Variants in NXPH1 observed in about 807,000 individuals in gnomAD.
NXPH1 encodes neurexophilin-1.
A neutral mutation model predicts 23.7 loss-of-function variants in NXPH1; 5 were observed. The ratio of observed to expected loss-of-function variants is 0.21; its 90% CI spans 0.11 to 0.44. The LOEUF is 0.44. NXPH1 is among the 20% of genes least tolerant of loss of function. The pLI is 0.99. For missense variants in NXPH1, 324 were observed against 321.6 expected (o/e 1.01, Z -0.06); for synonymous variants, 144 against 122.2 (o/e 1.18, Z -1.18).
rs1052537245 is a variant in NXPH1 at position 8,433,617 on chromosome 7, C to G, written c.-1249C>G. On this transcript the variant is annotated 5_prime_UTR_variant, in exon 1 of 3. Transcript: ENST00000405863. This position sits in a 1 kb window ranked among gnomAD's most constrained non-coding sequence, Gnocchi z 6.8. ...AGAGGCCAAGGTCGCCCAGTCCTCT[C>G]GGCTGTCTCGAGCTGAATGGCTGGC... 3.0e-4 allele frequency among the ~76,000 whole-genome samples: 45 copies of G among 152,156 alleles called. No homozygotes were observed. Among genetic ancestry groups the G allele is most frequent in the African/African-American group, 1.1e-3 (44 of 41,434 alleles).
chr7:8,575,623 A>G (rs916967954), intron 2 of NXPH1, among the ~76,000 whole-genome samples: 2 of 152,186 alleles, frequency 1.3e-5, no homozygotes, highest in Non-Finnish European at 2.9e-5. Flanking sequence ...CAATGTGAAT[A>G]GATTTATTCC....
intron 2 of NXPH1, among the ~76,000 whole-genome samples, chr7:8,535,258 AC>A (rs1404595685): frequency 6.6e-6 from 1 of 152,070 alleles, no homozygotes; most frequent in East Asian, 1.9e-4. Flanking sequence ...TTAGGTTTGT[AC>A]CAACAAAAAA....
chr7:8,730,844 T>C (rs1403499322), intron 2 of NXPH1, among the ~76,000 whole-genome samples: 4 of 150,980 alleles, frequency 2.6e-5, no homozygotes, highest in Admixed American at 6.6e-5. Flanking sequence ...TCGAGGAGTA[T>C]CTTTGTGGTG....
chr7:8,701,568 T>G (rs1583236816), intron 2 of NXPH1, among the ~76,000 whole-genome samples: 2 of 152,130 alleles, frequency 1.3e-5, no homozygotes, highest in African/African-American at 4.8e-5. Flanking sequence ...CAAACTTGAT[T>G]TAAGTTTTTG....
intron 2 of NXPH1, among the ~76,000 whole-genome samples, chr7:8,645,862 T>G (rs1820391556): frequency 6.6e-6 from 1 of 152,110 alleles, no homozygotes; most frequent in African/African-American, 2.4e-5. Context: ...ATATATCAAC[T>G]TTACATATAT....
intron 2 of NXPH1, among the ~76,000 whole-genome samples, chr7:8,684,923 C>G (rs536216071): frequency 6.6e-6 from 1 of 151,892 alleles, no homozygotes; most frequent in Non-Finnish European, 1.5e-5. Context: ...GTAGATGATC[C>G]AGGATGTGTT....
At chr7:8,514,237 A>G (rs762497151) in intron 2 of NXPH1, among the ~76,000 whole-genome samples, 10 of 152,122 alleles carry the variant, frequency 6.6e-5, no homozygotes, top group South Asian at 4.1e-4. Flanking sequence ...CCTTCAATAC[A>G]TTCTGCTTTT....
At chr7:8,471,364 A>G (rs1816868993) in intron 2 of NXPH1, among the ~76,000 whole-genome samples, 1 of 152,184 alleles carries the variant, frequency 6.6e-6, no homozygotes, top group Admixed American at 6.5e-5. Flanking sequence ...CACGAATATC[A>G]TTAACATAGA....
intron 2 of NXPH1, among the ~76,000 whole-genome samples, chr7:8,683,215 C>T (rs1253796637): frequency 6.6e-6 from 1 of 152,182 alleles, no homozygotes; most frequent in Non-Finnish European, 1.5e-5. Flanking sequence ...AAACAACTGT[C>T]TTTTGCATAA....
In NXPH1 at chr7:8,728,338, C is replaced by G. The variant is rs537208873; in HGVS notation, c.55-22670C>G. Among the ~76,000 whole-genome samples, 174 of 152,142 alleles carry G rather than the reference C, an allele frequency of 1.1e-3. 1 individual carries two copies. Among genetic ancestry groups the G allele is most frequent in the African/African-American group, 4.1e-3 (169 of 41,544 alleles). On this transcript the variant is annotated intron_variant, in intron 2 of 2. Coordinates refer to ENST00000405863, the MANE Select transcript of NXPH1 (RefSeq NM_152745.3). ...AATTGAATACTCTTTATTTCCTTCT[C>G]CTGCCTAATTGCCCTGGCCAGAACT...
chr7:8,656,507 GTTTTT>G (rs200902214), intron 2 of NXPH1, among the ~76,000 whole-genome samples: 9 of 136,794 alleles, frequency 6.6e-5, no homozygotes, highest in African/African-American at 2.0e-4. Context: ...TAGAGTTAAT[GTTTTT>G]TTTTTTTTTT....
intron 2 of NXPH1, among the ~76,000 whole-genome samples, chr7:8,495,038 A>G (rs1163122364): frequency 6.6e-6 from 1 of 152,082 alleles, no homozygotes; most frequent in Non-Finnish European, 1.5e-5. Context: ...TTTCAGCAAG[A>G]TATCATGGAT....
At chr7:8,739,276 A>G (rs748536036) in intron 2 of NXPH1, among the ~76,000 whole-genome samples, 3 of 147,894 alleles carry the variant, frequency 2.0e-5, no homozygotes, top group Non-Finnish European at 4.5e-5. Flanking sequence ...CCCTGGTGGT[A>G]TAGGCACCCG....
chr7:8,751,790 C>A lies in NXPH1; in HGVS notation c.*21C>A. The A allele has an allele frequency of 2.5e-6, 4 of 1,586,660 alleles. No individual in the cohort carries two copies. Among genetic ancestry groups the A allele is most frequent in the Non-Finnish European group, 3.4e-6 (4 of 1,168,140 alleles). On this transcript the variant is annotated 3_prime_UTR_variant, in exon 3 of 3. Coordinates refer to ENST00000405863, the MANE Select transcript of NXPH1 (RefSeq NM_152745.3). The surrounding 1 kb of genome is among the most constrained non-coding windows in gnomAD (Gnocchi z 4.5). Reference sequence around the variant, plus strand: ...GATGAAGGTGAACATGGGGGTGAGACTGAAGCCTGAGGAATTAAAGGTCAT... The same window carrying A: ...GATGAAGGTGAACATGGGGGTGAGAATGAAGCCTGAGGAATTAAAGGTCAT...
chr7:8,517,352 A>T (rs1461960133), intron 2 of NXPH1, among the ~76,000 whole-genome samples: 1 of 152,070 alleles, frequency 6.6e-6, no homozygotes, highest in Non-Finnish European at 1.5e-5. Flanking sequence ...GATTGTAGGC[A>T]TGTGGAGGAC....
chr7:8,551,828 C>T (rs1818280625), intron 2 of NXPH1, among the ~76,000 whole-genome samples: 1 of 151,366 alleles, frequency 6.6e-6, no homozygotes, highest in Non-Finnish European at 1.5e-5. Flanking sequence ...AATATTTTTT[C>T]TCCATGTCCA....
chr7:8,651,080 T>C, intron 2 of NXPH1, among the ~76,000 whole-genome samples: 1 of 150,432 alleles, frequency 6.6e-6, no homozygotes, highest in East Asian at 2.0e-4. Context: ...CACTAACTCG[T>C]CATCTAGCAT....
At chr7:8,576,958 T>G (rs568668499) in intron 2 of NXPH1, among the ~76,000 whole-genome samples, 1 of 152,260 alleles carries the variant, frequency 6.6e-6, no homozygotes, top group South Asian at 2.1e-4. Context: ...GGTGAAAATT[T>G]ACAAATATTT....
At chr7:8,596,942 A>C (rs1364263647) in intron 2 of NXPH1, among the ~76,000 whole-genome samples, 1 of 152,130 alleles carries the variant, frequency 6.6e-6, no homozygotes, top group Non-Finnish European at 1.5e-5. Context: ...TCCTATAGAA[A>C]AGGAACTATT....
Sources: gnomAD v4.1 joint callset for allele counts (sites outside exome capture counted in the v4.1 genomes callset) on GRCh38, gnomAD v4.1.1 for gene constraint, Gnocchi (gnomAD v3.1) non-coding constraint, MANE v1.5 for transcripts, NCBI Gene and HGNC (gene_info 2026-07-23, HGNC 2026-07-21) for gene names.